CACNA2D3: variants seen among roughly 807,000 people sequenced by gnomAD.
CACNA2D3 encodes calcium voltage-gated channel auxiliary subunit alpha2delta 3, also known as voltage-dependent calcium channel subunit alpha-2/delta-3.
A neutral mutation model predicts 160.6 loss-of-function variants in CACNA2D3; 60 were observed. The observed-to-expected ratio is 0.37, with a 90% CI of 0.30 to 0.46. The LOEUF (loss-of-function observed/expected upper bound fraction) is 0.46, where lower values mean the gene tolerates loss of function less well. Ranked by LOEUF, CACNA2D3 falls within the 20% of genes least tolerant of loss-of-function variation. CACNA2D3 has a pLI of 1.00. For missense variants in CACNA2D3, 1,205 were observed against 1,365.0 expected, an observed-to-expected ratio of 0.88 and a Z score of 1.85; for synonymous variants, 558 against 492.9, an observed-to-expected ratio of 1.13 and a Z score of -1.75.
At chr3:54,575,906 T>C (rs1342215882) in intron 8 of CACNA2D3, among the ~76,000 whole-genome samples, 1 of 152,022 alleles carries the variant, frequency 6.6e-6, no homozygotes, top group Non-Finnish European at 1.5e-5. Context: ...GCTCTTGGTG[T>C]GTCTGGATCA....
chr3:54,310,864 C>T (rs1263590502), intron 2 of CACNA2D3, among the ~76,000 whole-genome samples: 1 of 152,174 alleles, frequency 6.6e-6, no homozygotes, highest in Admixed American at 6.5e-5. Context: ...TGGTCTCATC[C>T]ACCTTACTGT....
intron 27 of CACNA2D3, among the ~76,000 whole-genome samples, chr3:54,911,351 C>CTTTTTTTTTTTTTTTTTTTT (rs58289082): frequency 1.7e-5 from 1 of 58,582 alleles, no homozygotes; most frequent in African/African-American, 8.8e-5. Context: ...TCTTTGTCGT[C>CTTTTTTTTTTTTTTTTTTTT]TTTTTTTTTT....
Position 54,504,272 on chromosome 3 carries a change from TTTTTCCCTAAG to T in CACNA2D3, c.544+621_544+631del, listed in dbSNP as rs1208905163. Among the ~76,000 whole-genome samples the T allele has an allele frequency of 2.0e-5, 3 of 152,264 alleles. No homozygotes were observed. In the East Asian group the frequency reaches 5.8e-4, roughly 29 times the overall value. On this transcript the variant is annotated intron_variant, in intron 5 of 37. Coordinates refer to ENST00000474759, the MANE Select transcript of CACNA2D3 (RefSeq NM_018398.3). ...GTCTTCACATAAACTCTAGAGTTTATTTTTCCCTAAGTTCCCATCTGCCAATTCCAGTTGGA... is the reference window on the plus strand; with the variant it reads ...GTCTTCACATAAACTCTAGAGTTTATTTCCCATCTGCCAATTCCAGTTGGA...
intron 10 of CACNA2D3, chr3:54,637,758 AG>A (rs1206150474): frequency 3.9e-5 from 6 of 152,044 alleles, no homozygotes; most frequent in Non-Finnish European, 8.8e-5. Flanking sequence ...GTCTTCAGCC[AG>A]TAAGCCAAGA....
chr3:54,280,162 A>C (rs190167107), intron 2 of CACNA2D3, among the ~76,000 whole-genome samples: 17 of 152,100 alleles, frequency 1.1e-4, no homozygotes, highest in African/African-American at 4.1e-4. Context: ...GCTCACTACA[A>C]GCTCTGCCTC....
chr3:54,660,845 G>A (rs190131947), intron 11 of CACNA2D3, among the ~76,000 whole-genome samples: 5 of 152,122 alleles, frequency 3.3e-5, no homozygotes, highest in Admixed American at 2.6e-4. Context: ...AGTGGAGCTC[G>A]GTTCATTGTT....
intron 2 of CACNA2D3, among the ~76,000 whole-genome samples, chr3:54,217,578 G>T: frequency 6.6e-6 from 1 of 152,170 alleles, no homozygotes; most frequent in Admixed American, 6.5e-5. Context: ...GGGAGATGCA[G>T]ACACACAGAG....
At chr3:54,844,915 T>C (rs2106771792) in intron 16 of CACNA2D3, among the ~76,000 whole-genome samples, 1 of 152,322 alleles carries the variant, frequency 6.6e-6, no homozygotes, top group Non-Finnish European at 1.5e-5. Context: ...TTTTTGCCTT[T>C]AATGGAAAAA....
chr3:54,872,377 C>T (rs1325550191), intron 18 of CACNA2D3, among the ~76,000 whole-genome samples: 1 of 152,218 alleles, frequency 6.6e-6, no homozygotes, highest in South Asian at 2.1e-4. Context: ...CATCTGGGTC[C>T]CTACTCTTCC....
At chr3:54,541,158 TC>T (rs1314172265) in intron 5 of CACNA2D3, among the ~76,000 whole-genome samples, 1 of 151,024 alleles carries the variant, frequency 6.6e-6, no homozygotes, top group African/African-American at 2.4e-5. Context: ...GCGCCTGTAG[TC>T]CCAGCTACTC....
intron 13 of CACNA2D3, among the ~76,000 whole-genome samples, chr3:54,792,478 C>G (rs140976921): frequency 5.9e-5 from 9 of 152,256 alleles, no homozygotes; most frequent in Non-Finnish European, 7.4e-5. Flanking sequence ...ACTGAAATGT[C>G]AAAGTATAGC....
rs373298869 is a variant in CACNA2D3, at chr3:54,127,893, G to C, written c.204+4299G>C. On this transcript the variant is annotated intron_variant, in intron 2 of 37. Transcript: ENST00000474759. ...ATGACCACTTGCTAACTTTCGGTCT[G>C]AGCCTTTTTTGCTCATTTTTTTTTT... Among the ~76,000 whole-genome samples, 91 of 151,620 alleles carry C rather than the reference G, an allele frequency of 6.0e-4. 1 individual carries two copies. The South Asian group carries it at 0.018, about 31-fold the overall frequency.
intron 5 of CACNA2D3, among the ~76,000 whole-genome samples, chr3:54,554,398 A>C (rs1702207077): frequency 6.6e-6 from 1 of 152,168 alleles, no homozygotes; most frequent in African/African-American, 2.4e-5. Flanking sequence ...CGAGTAAACA[A>C]ATGAATGAAA....
At chr3:54,888,259 A>G (rs1699973188) in intron 24 of CACNA2D3, among the ~76,000 whole-genome samples, 1 of 152,164 alleles carries the variant, frequency 6.6e-6, no homozygotes, top group Non-Finnish European at 1.5e-5. Context: ...AATTTGTTTG[A>G]GTTTTAACGT....
intron 16 of CACNA2D3, among the ~76,000 whole-genome samples, chr3:54,842,755 C>T (rs549789898): frequency 2.6e-4 from 39 of 151,822 alleles, no homozygotes; most frequent in African/African-American, 8.5e-4. Flanking sequence ...CACCCACCAT[C>T]GTGCCTGGCT....
chr3:54,764,168 C>T (rs1188959349), intron 12 of CACNA2D3, 50 bp from the exon 13 acceptor site: 1 of 1,606,102 alleles, frequency 6.2e-7, no homozygotes, highest in Non-Finnish European at 8.5e-7. Context: ...TTCCCAGTTG[C>T]AAGTCTTTCT....
At chr3:54,889,876 G>C (rs185188693) in intron 24 of CACNA2D3, among the ~76,000 whole-genome samples, 3 of 152,132 alleles carry the variant, frequency 2.0e-5, no homozygotes, top group Non-Finnish European at 2.9e-5. Context: ...TTGAGCAAAG[G>C]TTGCTGATTC....
intron 14 of CACNA2D3, among the ~76,000 whole-genome samples, chr3:54,823,898 A>G (rs1703693694): frequency 6.6e-6 from 1 of 152,232 alleles, no homozygotes; most frequent in Non-Finnish European, 1.5e-5. Flanking sequence ...TTATGAGCGT[A>G]CATTATTTTT....
intron 28 of CACNA2D3, 74 bp downstream of exon 28, chr3:54,968,585 G>C: frequency 9.8e-7 from 1 of 1,020,410 alleles, no homozygotes; most frequent in East Asian, 2.6e-5. Context: ...GGTACCTGGA[G>C]CCTGAAAGTG....
Sources: gnomAD v4.1 joint callset for allele counts (sites outside exome capture counted in the v4.1 genomes callset) on GRCh38, gnomAD v4.1.1 for gene constraint, MANE v1.5 for transcripts, NCBI Gene and HGNC (gene_info 2026-07-23, HGNC 2026-07-21) for gene names.